The following AUH variants were observed in gnomAD, a reference collection of about 807,000 sequenced individuals.
The protein encoded by AUH is AU RNA binding methylglutaconyl-CoA hydratase.
In AUH, 29 loss-of-function variants were observed where a neutral mutation model predicts 42.3. That is an observed-to-expected ratio of 0.69 (90% confidence interval 0.51 to 0.93). The LOEUF (loss-of-function observed/expected upper bound fraction) is 0.93. Among genes scored for constraint, AUH ranks in the 40% least tolerant of loss-of-function variants. The pLI is 0.00. For synonymous variants in AUH, 174 were observed against 166.4 expected (o/e 1.05, Z -0.35); for missense variants, 452 against 438.1 (o/e 1.03, Z -0.28).
chr9:91,329,933 C>A (rs1326322292), intron 3 of AUH, among the ~76,000 whole-genome samples: 1 of 151,880 alleles, frequency 6.6e-6, no homozygotes, highest in Non-Finnish European at 1.5e-5. Flanking sequence ...TCCCAGGGAC[C>A]AAGAAAAGAG....
At chr9:91,247,846 T>C (rs968289449) in intron 6 of AUH, among the ~76,000 whole-genome samples, 2 of 152,260 alleles carry the variant, frequency 1.3e-5, no homozygotes, top group African/African-American at 4.8e-5. Flanking sequence ...ATCTTGACCA[T>C]GTTTTAACTA....
chr9:91,357,725 G>A (rs755102476), intron 1 of AUH, among the ~76,000 whole-genome samples: 51 of 152,094 alleles, frequency 3.4e-4, no homozygotes, highest in Middle Eastern at 3.2e-3. Context: ...CAAGGTGAGA[G>A]TGAAGGAGAG....
intron 6 of AUH, among the ~76,000 whole-genome samples, chr9:91,240,057 A>G (rs912041747): frequency 2.0e-5 from 3 of 152,200 alleles, no homozygotes; most frequent in African/African-American, 7.2e-5. Context: ...ATACACACCC[A>G]AGTCTTAATC....
intron 6 of AUH, among the ~76,000 whole-genome samples, chr9:91,269,127 T>C (rs536659932): frequency 2.2e-4 from 34 of 152,262 alleles, no homozygotes; most frequent in African/African-American, 8.2e-4. Flanking sequence ...ACTACAGGCG[T>C]GCGCCACCAT....
At chr9:91,310,321 G>T (rs889470522) in intron 4 of AUH, among the ~76,000 whole-genome samples, 4 of 152,210 alleles carry the variant, frequency 2.6e-5, no homozygotes, top group Non-Finnish European at 5.9e-5. Flanking sequence ...ACAGGAAAGG[G>T]ATTGCAAGAG....
rs551351122 is a variant in AUH at position 91,217,269 on chromosome 9, G to C, written c.894+8C>G. The C allele has an allele frequency of 3.7e-6, 6 of 1,612,804 alleles. No individual in the cohort carries two copies. Among genetic ancestry groups the C allele is most frequent in the East Asian group, 2.2e-5 (1 of 44,848 alleles). ...TCCCAAAACAAACTCAAGCATTAAG[G>C]AACCTACCTCCATCCCTTGATTAAT... On this transcript the variant is annotated splice_region_variant and intron_variant, in intron 8 of 9. Coordinates refer to ENST00000375731, the MANE Select transcript of AUH (RefSeq NM_001698.3).
At position 91,260,570 on chromosome 9, in the gene AUH, T is replaced by C. The variant is rs145061783; in HGVS notation, c.655+35451A>G. 9.2e-5 allele frequency among the ~76,000 whole-genome samples: 14 copies of C among 152,336 alleles called. 1 individual carries two copies. The East Asian group carries it at 2.5e-3, about 27-fold the overall frequency. On this transcript the variant is annotated intron_variant, in intron 6 of 9. Transcript: ENST00000375731. Reference sequence around the variant, plus strand: ...AGCTAACAGGAAATAATATGAATACTTTAAAATATCCCAATGATGGTACAT... The same window carrying C: ...AGCTAACAGGAAATAATATGAATACCTTAAAATATCCCAATGATGGTACAT...
chr9:91,273,554 G>A (rs1217282683), intron 6 of AUH, among the ~76,000 whole-genome samples: 1 of 152,160 alleles, frequency 6.6e-6, no homozygotes, highest in African/African-American at 2.4e-5. Flanking sequence ...CAGCAATTTA[G>A]ATTTCTGCAA....
chr9:91,323,448 C>A (rs1829738030), intron 4 of AUH, among the ~76,000 whole-genome samples: 1 of 151,992 alleles, frequency 6.6e-6, no homozygotes, highest in Non-Finnish European at 1.5e-5. Context: ...CATGGTGAAA[C>A]CCCATCTCTA....
At chr9:91,334,193 A>G (rs1157837423) in intron 3 of AUH, among the ~76,000 whole-genome samples, 2 of 152,156 alleles carry the variant, frequency 1.3e-5, no homozygotes, top group East Asian at 3.9e-4. Context: ...CCTCCAGTAC[A>G]CGGCATTGTC....
intron 4 of AUH, among the ~76,000 whole-genome samples, chr9:91,313,939 T>C (rs1828934272): frequency 6.6e-6 from 1 of 150,658 alleles, no homozygotes; most frequent in African/African-American, 2.4e-5. Flanking sequence ...TGCTCGTGCC[T>C]CAGCCTCCTG....
At chr9:91,339,239 G>A (rs1265439905) in intron 3 of AUH, among the ~76,000 whole-genome samples, 1 of 152,078 alleles carries the variant, frequency 6.6e-6, no homozygotes, top group Non-Finnish European at 1.5e-5. Flanking sequence ...ACTTAAAATG[G>A]GGTTACAATT....
At chr9:91,233,804 C>T (rs1232200255) in intron 6 of AUH, among the ~76,000 whole-genome samples, 1 of 152,250 alleles carries the variant, frequency 6.6e-6, no homozygotes, top group African/African-American at 2.4e-5. Context: ...CAATGGCCTT[C>T]ATGTAAGGTT....
chr9:91,247,281 A>AG (rs1306237688), intron 6 of AUH, among the ~76,000 whole-genome samples: 8 of 152,168 alleles, frequency 5.3e-5, no homozygotes, highest in Non-Finnish European at 1.2e-4. Context: ...CAAGAGGGTA[A>AG]GGGGGGCAGC....
At chr9:91,298,365 C>G (rs1212575607) in intron 4 of AUH, among the ~76,000 whole-genome samples, 1 of 152,138 alleles carries the variant, frequency 6.6e-6, no homozygotes, top group Non-Finnish European at 1.5e-5. Flanking sequence ...AATCACAGTT[C>G]TACGATTTCT....
At position 91,223,552 on chromosome 9, in the gene AUH, A is replaced by G. The variant is rs116713387; in HGVS notation, c.656-2560T>C. ...AACATGGATATACAAATATCTCTTCAAGACCCTGCTTTCAATTCTGCTTTC... is the reference window on the plus strand; with the variant it reads ...AACATGGATATACAAATATCTCTTCGAGACCCTGCTTTCAATTCTGCTTTC... On this transcript the variant is annotated intron_variant, in intron 6 of 9. Transcript: ENST00000375731. Among the ~76,000 whole-genome samples the G allele has an allele frequency of 1.4e-3, 210 of 152,298 alleles. 2 individuals are homozygous for G. Among genetic ancestry groups the G allele is most frequent in the African/African-American group, 4.8e-3 (199 of 41,570 alleles).
At chr9:91,246,699 G>A (rs1828814247) in intron 6 of AUH, among the ~76,000 whole-genome samples, 1 of 152,250 alleles carries the variant, frequency 6.6e-6, no homozygotes, top group Non-Finnish European at 1.5e-5. Flanking sequence ...CTTGTTTAAA[G>A]GTGGTATATG....
chr9:91,259,141 C>T (rs1164198925), intron 6 of AUH, among the ~76,000 whole-genome samples: 1 of 152,160 alleles, frequency 6.6e-6, no homozygotes, highest in African/African-American at 2.4e-5. Flanking sequence ...GTGAAGCTAT[C>T]TGCTCAGAGC....
intron 6 of AUH, among the ~76,000 whole-genome samples, chr9:91,259,578 T>C (rs1031333430): frequency 2.0e-5 from 3 of 152,164 alleles, no homozygotes; most frequent in Non-Finnish European, 2.9e-5. Context: ...TTTAAAGTTA[T>C]AATTTCCTTC....
Sources: allele counts gnomAD v4.1 joint callset (sites outside exome capture counted in the v4.1 genomes callset), GRCh38; gene constraint gnomAD v4.1.1; transcripts MANE v1.5; gene names NCBI Gene and HGNC (gene_info 2026-07-23, HGNC 2026-07-21).